HSF1: variants seen among roughly 807,000 people sequenced by gnomAD.
HSF1 encodes heat shock factor protein 1.
A neutral mutation model predicts 51.7 loss-of-function variants in HSF1; 32 were observed. That is an observed-to-expected ratio of 0.62 (90% CI 0.47 to 0.83). The LOEUF (loss-of-function observed/expected upper bound fraction) is 0.83. HSF1 is among the 40% of genes least tolerant of loss of function. HSF1 has a pLI of 0.00. For missense variants in HSF1, 727 were observed against 717.0 expected, an observed-to-expected ratio of 1.01 and a Z score of -0.16; for synonymous variants, 396 against 309.7, an observed-to-expected ratio of 1.28 and a Z score of -2.92.
intron 1 of HSF1, among the ~76,000 whole-genome samples, chr8:144,295,499 G>A (rs1301697971): frequency 1.3e-5 from 2 of 152,364 alleles, no homozygotes; most frequent in Non-Finnish European, 1.5e-5. Flanking sequence ...CCAGGTAGAC[G>A]GAGGCCTCAG....
intron 1 of HSF1, among the ~76,000 whole-genome samples, chr8:144,299,559 A>C (rs1288034193): frequency 1.3e-5 from 2 of 152,178 alleles, no homozygotes; most frequent in African/African-American, 4.8e-5. Flanking sequence ...AGGATTAGCC[A>C]ACAAAGACAG....
intron 9 of HSF1, chr8:144,313,181 C>T (rs1479564351): frequency 2.5e-5 from 10 of 397,020 alleles, no homozygotes; most frequent in Admixed American, 4.1e-5. Flanking sequence ...CCCAGTGCAA[C>T]GGGAAACCTC....
rs564430213 is a variant in HSF1 at position 144,304,281 on chromosome 8, T to G, written c.118-4625T>G. Among the ~76,000 whole-genome samples, 4 of 152,362 alleles carry G rather than the reference T, an allele frequency of 2.6e-5. No individual in the cohort carries two copies. The South Asian group carries it at 8.3e-4, about 32-fold the overall frequency. Reference sequence around the variant, plus strand: ...TGTTCGTACCAGGTGTCAGTAGATTTTACTCCGTAAGTGTTCATCTGTTAT... The same window carrying G: ...TGTTCGTACCAGGTGTCAGTAGATTGTACTCCGTAAGTGTTCATCTGTTAT... On this transcript the variant is annotated intron_variant, in intron 1 of 12. Coordinates refer to ENST00000528838, the MANE Select transcript of HSF1 (RefSeq NM_005526.4).
Position 144,314,417 on chromosome 8 carries a change from G to A in HSF1, c.*87G>A, listed in dbSNP as rs1554846327. ...GAGGCAGGGCAGCCTCGCGGTCTTG[G>A]GCACTGGTGGGTCGGCCGCCATAGC... On this transcript the variant is annotated 3_prime_UTR_variant, in exon 13 of 13. Transcript: ENST00000528838. The A allele has an allele frequency of 4.2e-6, 5 of 1,202,238 alleles. No individual in the cohort carries two copies. Among genetic ancestry groups the A allele is most frequent in the East Asian group, 5.2e-5 (2 of 38,816 alleles). 74.5% of individuals were successfully genotyped at this position (1,202,238 alleles called of 1,614,324 possible). A position where few individuals can be genotyped will look rare whatever the true frequency, so the allele number is the denominator to read the frequency against.
chr8:144,309,193 T>G (rs1240861935), intron 2 of HSF1, 179 bp downstream of exon 2: 2 of 666,990 alleles, frequency 3.0e-6, no homozygotes, highest in African/African-American at 3.6e-5. Flanking sequence ...GGAGGGTCCT[T>G]GTGGGTATGA....
chr8:144,308,239 AGCCTTCGAT>A, intron 1 of HSF1, among the ~76,000 whole-genome samples: 1 of 152,266 alleles, frequency 6.6e-6, no homozygotes, highest in East Asian at 1.9e-4. Flanking sequence ...CTGTCCCCTA[AGCCTTCGAT>A]GTCCCCTCTG....
Position 144,313,918 on chromosome 8 carries a change from A to AG in HSF1, c.1314+9dup. The AG allele has an allele frequency of 6.2e-7, 1 of 1,608,940 alleles. No homozygotes were observed. Among genetic ancestry groups the AG allele is most frequent in the Non-Finnish European group, 8.5e-7 (1 of 1,178,986 alleles). On this transcript the variant is annotated splice_region_variant and intron_variant, in intron 11 of 12. Coordinates refer to ENST00000528838, the MANE Select transcript of HSF1 (RefSeq NM_005526.4). ...TGACAGCAGCCTGGCCAGTGTGCGT[A>AG]GGCGGGCGGGGGGTGAGGGGGAACG...
At position 144,291,895 on chromosome 8, in the gene HSF1, C is replaced by T. The variant is rs782012584; in HGVS notation, c.117+21C>T. ...GCCCGGTGAGGGCAGCGCGCGGGCG[C>T]GGGGCCCGTGGGGACCGGGAGGGAG... On this transcript the variant is annotated intron_variant, in intron 1 of 12. Coordinates refer to ENST00000528838, the MANE Select transcript of HSF1 (RefSeq NM_005526.4). This position sits in a 1 kb window ranked among gnomAD's most constrained non-coding sequence, Gnocchi z 4.1. 7.0e-6 allele frequency: 10 copies of T among 1,420,882 alleles called. No homozygotes were observed. The highest frequency in any genetic ancestry group is 9.3e-6 in the Non-Finnish European group (10 of 1,070,716). The allele number at this position is 1,420,882 out of a possible 1,614,324, so 88.0% of individuals were successfully genotyped here. A position where few individuals can be genotyped will look rare whatever the true frequency, so the allele number is the denominator to read the frequency against.
At chr8:144,299,694 G>T (rs1408076662) in intron 1 of HSF1, among the ~76,000 whole-genome samples, 2 of 152,100 alleles carry the variant, frequency 1.3e-5, no homozygotes, top group South Asian at 2.1e-4. Flanking sequence ...TGGATCACGA[G>T]GTCAGGAGAT....
Position 144,309,824 on chromosome 8 carries a change from A to C in HSF1, c.416A>C (p.Lys139Thr). 6.2e-7 allele frequency: 1 copy of C among 1,613,868 alleles called. No homozygotes were observed. The highest frequency in any genetic ancestry group is 1.1e-5 in the South Asian group (1 of 91,070). Reference protein sequence around the residue: ...DIKIRQDSVTKLLTDVQLMKG... With the variant: ...DIKIRQDSVTTLLTDVQLMKG... ...AAGATCCGCCAGGACAGCGTCACCA[A>C]GCTGCTGACGGACGTGCAGCTGATG... The change falls in exon 4 of 13, where the codon AAG (lysine) becomes ACG (threonine). Residue 139 changes from lysine (K) to threonine (T), a missense_variant. Lys to Thr is a moderately conservative substitution (Grantham distance 78, BLOSUM62 -1). Around this residue, in one of 2 missense-constraint regions of HSF1, gnomAD observed 257 missense variants for 318.3 expected, o/e 0.81. Coordinates refer to ENST00000528838, the MANE Select transcript of HSF1 (RefSeq NM_005526.4).
intron 1 of HSF1, among the ~76,000 whole-genome samples, chr8:144,304,083 T>C (rs1554842854): frequency 1.3e-5 from 2 of 152,080 alleles, no homozygotes; most frequent in African/African-American, 4.8e-5. Flanking sequence ...TCGGTGAGGA[T>C]GTGAAACTCT....
chr8:144,311,294 G>A, intron 5 of HSF1, 27 bp from the exon 6 acceptor site: 1 of 1,613,610 alleles, frequency 6.2e-7, no homozygotes, highest in Non-Finnish European at 8.5e-7. Context: ...ACAAGGGCCG[G>A]GGTAACTGTG....
intron 1 of HSF1, among the ~76,000 whole-genome samples, chr8:144,306,070 A>G (rs1816209852): frequency 1.3e-5 from 2 of 152,120 alleles, no homozygotes; most frequent in African/African-American, 4.8e-5. Flanking sequence ...TAAACTCTTC[A>G]GCTCCATAAT....
chr8:144,313,576 G>C lies in HSF1; in HGVS notation c.1208G>C (p.Ser403Thr). 1 of 1,611,272 alleles carries C rather than the reference G, an allele frequency of 6.2e-7. No individual in the cohort carries two copies. Among genetic ancestry groups the C allele is most frequent in the South Asian group, 1.1e-5 (1 of 91,060 alleles). The change falls in exon 10 of 13, where the codon AGC becomes ACC. Residue 403 changes from serine to threonine, a missense_variant. Physicochemically the swap from Ser to Thr is moderately conservative, Grantham distance 58. Transcript: ENST00000528838. ...CTGGATAACCTGCAGACCATGCTGAGCAGCCACGGCTTCAGCGTGGACACC... is the reference window on the plus strand; with the variant it reads ...CTGGATAACCTGCAGACCATGCTGACCAGCCACGGCTTCAGCGTGGACACC... ...SNLDNLQTMLSSHGFSVDTSA... is the reference protein window; with the variant it reads ...SNLDNLQTMLTSHGFSVDTSA...
chr8:144,313,684 C>CCCCG (rs1816919223), intron 10 of HSF1, 68 bp downstream of exon 10: 2 of 38,864 alleles, frequency 5.1e-5, no homozygotes, highest in African/African-American at 2.8e-4. Context: ...CCTCCCCGCC[C>CCCCG]CGCCTCCCCG....
intron 6 of HSF1, 50 bp downstream of exon 6, chr8:144,311,432 C>T (rs1554844410): frequency 6.2e-7 from 1 of 1,612,056 alleles, no homozygotes; most frequent in South Asian, 1.1e-5. Flanking sequence ...CAGGGCTGTC[C>T]CCCTTCTCTG....
At position 144,293,795 on chromosome 8, in the gene HSF1, T is replaced by C. The variant is rs547036666; in HGVS notation, c.117+1921T>C. 3.3e-5 allele frequency among the ~76,000 whole-genome samples: 5 copies of C among 150,078 alleles called. 1 individual carries two copies. The South Asian group carries it at 8.5e-4, about 26-fold the overall frequency. On this transcript the variant is annotated intron_variant, in intron 1 of 12. Transcript: ENST00000528838. ...GAAGTTAAGGGGAATAACTCCCCCA[T>C]TGGGGGAGGGGCATCCGCGATTATC... is the stretch of plus-strand genomic sequence containing the variant.
chr8:144,293,482 C>G (rs1554840790), intron 1 of HSF1: 4 of 151,688 alleles, frequency 2.6e-5, no homozygotes, highest in Non-Finnish European at 4.4e-5. Context: ...GCTCTGTCAC[C>G]CAGGTTGGAG....
chr8:144,294,869 T>C (rs1302903397), intron 1 of HSF1, among the ~76,000 whole-genome samples: 7 of 149,014 alleles, frequency 4.7e-5, no homozygotes, highest in Non-Finnish European at 1.5e-5. Context: ...GGAGAGGAAA[T>C]GTGTCAGCCA....
Sources: gnomAD v4.1 joint callset for allele counts (sites outside exome capture counted in the v4.1 genomes callset) on GRCh38, gnomAD v4.1.1 for gene constraint, gnomAD v4.1.1 regional missense constraint, Gnocchi (gnomAD v3.1) non-coding constraint, MANE v1.5 for transcripts, NCBI Gene and HGNC (gene_info 2026-07-23, HGNC 2026-07-21) for gene names.